HYDIN: variants seen among roughly 807,000 people sequenced by gnomAD.
The protein encoded by HYDIN is HYDIN axonemal central pair apparatus protein.
Under a neutral mutation model 403.9 loss-of-function variants are expected in HYDIN, and 132 were observed. The observed-to-expected ratio is 0.33, with a 90% CI of 0.28 to 0.38. The LOEUF (loss-of-function observed/expected upper bound fraction) is 0.38. Among genes scored for constraint, HYDIN ranks in the 10% least tolerant of loss-of-function variants. HYDIN has a pLI of 1.00. For missense variants in HYDIN, 2,827 were observed against 5,009.5 expected (o/e 0.56, Z 13.15); for synonymous variants, 1,202 against 1,891.7 (o/e 0.64, Z 9.46).
chr16:70,943,666 A>G, intron 42 of HYDIN, 146 bp downstream of exon 42: 1 of 1,160,706 alleles, frequency 8.6e-7, no homozygotes, highest in South Asian at 1.8e-5. Context: ...GGGGTCGACA[A>G]GAGCTGTCAA....
intron 1 of HYDIN, among the ~76,000 whole-genome samples, chr16:71,207,271 T>G (rs572298346): frequency 6.6e-6 from 1 of 152,198 alleles, no homozygotes; most frequent in African/African-American, 2.4e-5. Flanking sequence ...GGGGTCTATA[T>G]TCAACATTCT....
chr16:71,138,064 A>C (rs1432199713), intron 7 of HYDIN, among the ~76,000 whole-genome samples: 2 of 148,920 alleles, frequency 1.3e-5, no homozygotes, highest in Non-Finnish European at 3.0e-5. Context: ...TAAGCCCCTG[A>C]CTTTATTCAG....
chr16:71,208,759 A>G (rs575935667), intron 1 of HYDIN, among the ~76,000 whole-genome samples: 3 of 152,226 alleles, frequency 2.0e-5, no homozygotes, highest in Non-Finnish European at 4.4e-5. Flanking sequence ...AATAACCATC[A>G]GAGACTCCTT....
rs774590218 is a variant in HYDIN, at chr16:70,862,175, C to T, written c.11650G>A (p.Glu3884Lys). 19 of 1,613,318 alleles carry T rather than the reference C, an allele frequency of 1.2e-5. No homozygotes were observed. Among genetic ancestry groups the T allele is most frequent in the Middle Eastern group, 1.7e-4 (1 of 6,020 alleles). Residue 3884 changes from glutamate (E) to lysine (K), a missense_variant, in exon 69 of 86, where the codon GAG becomes AAG. Physicochemically the swap from Glu to Lys is moderately conservative, Grantham distance 56. Transcript: ENST00000393567. Reference sequence around the variant, plus strand: ...ACAGAGAAGGGCTGTGGGGAACCCTCGGCCCAGTGGTCCATGGTGCTGTCC... The same window carrying T: ...ACAGAGAAGGGCTGTGGGGAACCCTTGGCCCAGTGGTCCATGGTGCTGTCC... ...TLDSTMDHWA[E>K]GSPQPFSVEP...
At position 71,020,155 on chromosome 16, in the gene HYDIN, C is replaced by A; in HGVS notation, c.3330+19G>T. On this transcript the variant is annotated intron_variant, in intron 22 of 85. Transcript: ENST00000393567. ...CCCCACCCCAGACAGCTTGCCAGAA[C>A]AGACCCCTATTAAGGTACCTCAGGA... 1 of 1,613,388 alleles carries A rather than the reference C, an allele frequency of 6.2e-7. No individual in the cohort carries two copies. The highest frequency in any genetic ancestry group is 8.5e-7 in the Non-Finnish European group (1 of 1,179,714).
intron 68 of HYDIN, among the ~76,000 whole-genome samples, chr16:70,862,494 G>A (rs528115361): frequency 5.5e-5 from 5 of 91,644 alleles, no homozygotes; most frequent in Non-Finnish European, 8.9e-5. Context: ...TTTCCTTTTG[G>A]TTCAAGCGGG....
intron 1 of HYDIN, among the ~76,000 whole-genome samples, chr16:71,225,925 T>C (rs1267432167): frequency 2.6e-5 from 4 of 152,164 alleles, no homozygotes; most frequent in Non-Finnish European, 4.4e-5. Flanking sequence ...GAGGACTAAA[T>C]CAAAGGAGGT....
intron 18 of HYDIN, among the ~76,000 whole-genome samples, chr16:71,043,637 T>C (rs1451763386): frequency 6.6e-6 from 1 of 152,060 alleles, no homozygotes; most frequent in Admixed American, 6.5e-5. Flanking sequence ...AAGTCATCTT[T>C]ACTTTCCTGA....
At chr16:71,025,763 T>G (rs2080669678) in intron 20 of HYDIN, among the ~76,000 whole-genome samples, 1 of 145,126 alleles carries the variant, frequency 6.9e-6, no homozygotes, top group South Asian at 2.3e-4. Context: ...CCTGAGGCAG[T>G]TGATTTACAT....
intron 14 of HYDIN, 138 bp downstream of exon 14, chr16:71,069,129 C>G (rs534531804): frequency 1.9e-5 from 14 of 740,824 alleles, no homozygotes; most frequent in Middle Eastern, 3.9e-4. Flanking sequence ...TCCTTATAGG[C>G]CCACGTTTCC....
At chr16:71,151,168 T>G (rs1036386744) in intron 7 of HYDIN, among the ~76,000 whole-genome samples, 1 of 152,196 alleles carries the variant, frequency 6.6e-6, no homozygotes, top group Non-Finnish European at 1.5e-5. Context: ...CCTTCTACCC[T>G]TTGGTTATAT....
chr16:71,031,658 T>C (rs1597595511), intron 19 of HYDIN, 21 bp downstream of exon 19: 2 of 1,598,060 alleles, frequency 1.3e-6, no homozygotes, highest in Middle Eastern at 1.7e-4. Context: ...CTATAAAAAC[T>C]GGTCCATGAG....
chr16:71,019,815 CTACAT>C (rs2080412509), intron 22 of HYDIN, among the ~76,000 whole-genome samples: 1 of 152,250 alleles, frequency 6.6e-6, no homozygotes, highest in Non-Finnish European at 1.5e-5. Flanking sequence ...TGGAATTAGA[CTACAT>C]TATTTTCTAA....
Position 71,172,573 on chromosome 16 carries a change from G to T in HYDIN, c.516+3034C>A, listed in dbSNP as rs369844609. On this transcript the variant is annotated intron_variant, in intron 5 of 85. Transcript: ENST00000393567. ...GAAGGAAAGCCAAAGTAAATTTGCT[G>T]CACCTGTTATCTGGGCATTTGGCAT... Among the ~76,000 whole-genome samples the T allele has an allele frequency of 2.9e-4, 44 of 152,270 alleles. No homozygotes were observed. In the South Asian group the frequency reaches 8.9e-3, roughly 31 times the overall value.
chr16:70,901,835 C>T (rs1159306005), intron 52 of HYDIN, among the ~76,000 whole-genome samples: 27 of 152,284 alleles, frequency 1.8e-4, no homozygotes, highest in East Asian at 3.9e-4. Context: ...CTGCCCGTCT[C>T]GGCCTCCCAA....
chr16:71,081,011 T>C (rs1241989852), intron 12 of HYDIN: 1 of 151,702 alleles, frequency 6.6e-6, no homozygotes, highest in Non-Finnish European at 1.5e-5. Flanking sequence ...TCTAGAGCCT[T>C]CAGAAGGAAA....
At chr16:70,897,844 A>G (rs1431127959) in intron 53 of HYDIN, among the ~76,000 whole-genome samples, 1 of 151,960 alleles carries the variant, frequency 6.6e-6, no homozygotes, top group African/African-American at 2.4e-5. Flanking sequence ...TTTGGCTGGG[A>G]CACATGGAGA....
At position 71,093,829 on chromosome 16, in the gene HYDIN, T is replaced by C; in HGVS notation, c.1434A>G (p.Ala478=). The change falls in exon 11 of 86, where the codon GCA becomes GCG. Residue 478 remains alanine, a synonymous_variant. Transcript: ENST00000393567. ...CTCTAGTGCTTACCTCATAACAATGTGCAGATCCAGTGAAAACTTTCCCAA... is the reference window on the plus strand; with the variant it reads ...CTCTAGTGCTTACCTCATAACAATGCGCAGATCCAGTGAAAACTTTCCCAA... ...LDIGKVFTGS[A]HCYEAILYNK... The C allele has an allele frequency of 6.2e-7, 1 of 1,613,642 alleles. No individual in the cohort carries two copies. Among genetic ancestry groups the C allele is most frequent in the Non-Finnish European group, 8.5e-7 (1 of 1,179,684 alleles).
At chr16:71,188,931 T>C (rs866576271) in intron 1 of HYDIN, among the ~76,000 whole-genome samples, 6 of 152,198 alleles carry the variant, frequency 3.9e-5, no homozygotes, top group East Asian at 1.9e-4. Flanking sequence ...CTGATCATAA[T>C]ACAACAAAGC....
Sources: gnomAD v4.1 joint callset for allele counts (sites outside exome capture counted in the v4.1 genomes callset) on GRCh38, gnomAD v4.1.1 for gene constraint, MANE v1.5 for transcripts, NCBI Gene and HGNC (gene_info 2026-07-23, HGNC 2026-07-21) for gene names.